The following MGST1 variants were observed in gnomAD, a reference collection of about 807,000 sequenced individuals.
The protein encoded by MGST1 is glutathione S-transferase 12.
Under a neutral mutation model 8.9 loss-of-function variants are expected in MGST1, and 5 were observed. The observed-to-expected ratio is 0.56, with a 90% CI of 0.29 to 1.19. The LOEUF (loss-of-function observed/expected upper bound fraction) is 1.19, where lower values mean the gene tolerates loss of function less well. MGST1 is among the 50% of genes most tolerant of loss of function. The pLI, the probability that MGST1 is intolerant of heterozygous loss-of-function variation, is 0.08. For synonymous variants in MGST1, 54 were observed against 67.8 expected (o/e 0.80, Z 1.00); for missense variants, 182 against 187.4 (o/e 0.97, Z 0.17).
At chr12:16,589,808 GA>G (rs1199971170), downstream of MGST1, among the ~76,000 whole-genome samples, 22 of 152,048 alleles carry the variant, frequency 1.4e-4, no homozygotes, top group African/African-American at 5.3e-4. This position sits in a 1 kb window ranked among gnomAD's most constrained non-coding sequence, Gnocchi z 4.2. Flanking sequence ...CATCTGCCAG[GA>G]AGAACAGAGG....
In MGST1 at chr12:16,554,149, G is replaced by T. The variant is rs143625589; in HGVS notation, n.483-35379G>T. ...TGAGTGATTTAGCTGACTTCATATA[G>T]TCTTAGAGACTTGAGAAGTATATGA... On this transcript the variant is annotated intron_variant and non_coding_transcript_variant, in intron 4 of 4. Coordinates refer to the MGST1 transcript ENST00000538857. 1.3e-4 allele frequency among the ~76,000 whole-genome samples: 20 copies of T among 152,246 alleles called. No homozygotes were observed. The East Asian group carries it at 2.9e-3, about 22-fold the overall frequency.
intron 1 of MGST1, among the ~76,000 whole-genome samples, chr12:16,397,211 AATTGGCAAGCCAC>A (rs1413225123): frequency 6.6e-6 from 1 of 152,214 alleles, no homozygotes; most frequent in Non-Finnish European, 1.5e-5. Context: ...GTGCTGGGAT[AATTGGCAAGCCAC>A]ATGTAGGAGA....
chr12:16,349,692 C>T (rs780257439), intron 1 of MGST1, among the ~76,000 whole-genome samples: 1 of 151,276 alleles, frequency 6.6e-6, no homozygotes, highest in Non-Finnish European at 1.5e-5. Context: ...GCGCCAAAGT[C>T]GGAAGTTTTT....
intron 4 of MGST1, among the ~76,000 whole-genome samples, chr12:16,469,040 C>T (rs1386462162): frequency 6.6e-6 from 1 of 152,150 alleles, no homozygotes; most frequent in Non-Finnish European, 1.5e-5. Context: ...TGTGTTTGAA[C>T]CTCCCACCTA....
At chr12:16,509,105 C>T (rs1941559563) in intron 4 of MGST1, among the ~76,000 whole-genome samples, 1 of 152,030 alleles carries the variant, frequency 6.6e-6, no homozygotes, top group African/African-American at 2.4e-5. Flanking sequence ...AAGCATTTGG[C>T]TAAACATCAT....
intron 4 of MGST1, among the ~76,000 whole-genome samples, chr12:16,552,137 C>T (rs979720016): frequency 2.0e-5 from 3 of 151,906 alleles, no homozygotes; most frequent in African/African-American, 7.2e-5. Context: ...GTATGATTTC[C>T]CCACGGTGAC....
intron 4 of MGST1, among the ~76,000 whole-genome samples, chr12:16,557,853 A>G (rs964287592): frequency 3.3e-5 from 5 of 152,056 alleles, no homozygotes; most frequent in African/African-American, 1.2e-4. Context: ...ATCAGCTACT[A>G]TATGGTGGTG....
intron 1 of MGST1, among the ~76,000 whole-genome samples, chr12:16,353,627 A>G (rs1939573508): frequency 1.3e-5 from 2 of 151,044 alleles, no homozygotes; most frequent in African/African-American, 2.4e-5. Flanking sequence ...CTAGTATGTG[A>G]TGTTAGTCTA....
intron 4 of MGST1, among the ~76,000 whole-genome samples, chr12:16,569,389 A>G (rs1425959394): frequency 6.6e-6 from 1 of 152,166 alleles, no homozygotes; most frequent in Non-Finnish European, 1.5e-5. Flanking sequence ...GCTGGTCTAC[A>G]TAGAATCATC....
chr12:16,401,083 G>C lies in MGST1; in HGVS notation n.778+17479G>C. The C allele has an allele frequency of 6.3e-7, 1 of 1,593,672 alleles. No individual in the cohort carries two copies. The highest frequency in any genetic ancestry group is 1.1e-5 in the South Asian group (1 of 90,630). ...AGAACCTCTTCCCAAAAGGTCCTCT[G>C]CCTCATCTTTCTCCTCCTCCTCCTT... On this transcript the variant is annotated intron_variant and non_coding_transcript_variant, in intron 1 of 1. Transcript: ENST00000359720. The surrounding 1 kb of genome is among the most constrained non-coding windows in gnomAD (Gnocchi z 4.3).
rs1224842522 is a variant in MGST1 at position 16,500,523 on chromosome 12, A to G, written n.483-89005A>G. ...AGTTTCATTTCAAAACGGAAAAGAT[A>G]CTTATTTTGTGTGCCAGTCCTGTCC... On this transcript the variant is annotated intron_variant and non_coding_transcript_variant, in intron 4 of 4. Coordinates refer to the MGST1 transcript ENST00000538857. The surrounding 1 kb of genome is among the most constrained non-coding windows in gnomAD (Gnocchi z 4.3). Among the ~76,000 whole-genome samples the G allele has an allele frequency of 6.6e-6, 1 of 152,210 alleles. No individual in the cohort carries two copies. Among genetic ancestry groups the G allele is most frequent in the African/African-American group, 2.4e-5 (1 of 41,458 alleles).
intron 4 of MGST1, among the ~76,000 whole-genome samples, chr12:16,478,626 A>T (rs1941342530): frequency 6.6e-6 from 1 of 151,496 alleles, no homozygotes. Context: ...ATTTTGGTGA[A>T]TTTTTTTTTA....
chr12:16,477,342 T>A (rs1427212986), intron 4 of MGST1, among the ~76,000 whole-genome samples: 2 of 152,170 alleles, frequency 1.3e-5, no homozygotes, highest in Non-Finnish European at 2.9e-5. Context: ...CTTTTATTTA[T>A]AGATAGCCTA....
chr12:16,386,385 C>A (rs7973665), intron 1 of MGST1, among the ~76,000 whole-genome samples: 5 of 151,630 alleles, frequency 3.3e-5, no homozygotes, highest in African/African-American at 1.2e-4. Flanking sequence ...CAACTTAGCC[C>A]TAGCACATGG....
chr12:16,386,416 G>C (rs1380273067), intron 1 of MGST1, among the ~76,000 whole-genome samples: 1 of 152,178 alleles, frequency 6.6e-6, no homozygotes, highest in East Asian at 1.9e-4. Flanking sequence ...CAAGGGTATG[G>C]CAATGCCGAA....
chr12:16,502,851 C>T (rs1941513453), intron 4 of MGST1, among the ~76,000 whole-genome samples: 1 of 152,122 alleles, frequency 6.6e-6, no homozygotes, highest in Admixed American at 6.5e-5. Context: ...ACTATGGGAA[C>T]AGAAATTTAG....
chr12:16,496,854 GA>G (rs1003397553), intron 4 of MGST1, among the ~76,000 whole-genome samples: 17 of 151,386 alleles, frequency 1.1e-4, no homozygotes, highest in African/African-American at 3.4e-4. Flanking sequence ...CTGATAACAG[GA>G]AAAAAAATAA....
intron 4 of MGST1, among the ~76,000 whole-genome samples, chr12:16,444,183 G>GTTTTTTTTTTT (rs1161206533): frequency 7.8e-6 from 1 of 128,488 alleles, no homozygotes; most frequent in Non-Finnish European, 1.7e-5. Context: ...GGCTGATTTG[G>GTTTTTTTTTTT]TTTTTTTTTT....
chr12:16,400,609 A>G lies in MGST1; in HGVS notation n.778+17005A>G, dbSNP rs1324790574. 9.5e-6 allele frequency: 11 copies of G among 1,162,592 alleles called. No individual in the cohort carries two copies. The Admixed American group carries it at 1.5e-4, about 16-fold the overall frequency. 72.0% of individuals were successfully genotyped at this position (1,162,592 alleles called of 1,614,324 possible). ...GGCTGGTACTGTCTGTTCCCCGGTC[A>G]TCGTATGACGCTTGGTATGTAATTT... On this transcript the variant is annotated intron_variant and non_coding_transcript_variant, in intron 1 of 1. Coordinates refer to the MGST1 transcript ENST00000359720.
Sources: allele counts gnomAD v4.1 joint callset (sites outside exome capture counted in the v4.1 genomes callset), GRCh38; gene constraint gnomAD v4.1.1; non-coding constraint Gnocchi (gnomAD v3.1); transcripts MANE v1.5; gene names NCBI Gene and HGNC (gene_info 2026-07-23, HGNC 2026-07-21).